Variants in PTPRM observed in about 807,000 individuals in gnomAD.
PTPRM encodes protein tyrosine phosphatase receptor type M.
Under a neutral mutation model 186.7 loss-of-function variants are expected in PTPRM, and 47 were observed. The observed-to-expected ratio is 0.25, with a 90% CI of 0.20 to 0.32. The LOEUF is 0.32. Among genes scored for constraint, PTPRM ranks in the 10% least tolerant of loss-of-function variants. The pLI is 1.00. For missense variants in PTPRM, 1,494 were observed against 1,865.0 expected, an observed-to-expected ratio of 0.80 and a Z score of 3.66; for synonymous variants, 668 against 674.9, an observed-to-expected ratio of 0.99 and a Z score of 0.16.
chr18:8,186,574 C>T (rs964307077), intron 14 of PTPRM, among the ~76,000 whole-genome samples: 4 of 152,164 alleles, frequency 2.6e-5, no homozygotes, highest in African/African-American at 9.7e-5. Context: ...GCAACAGTTG[C>T]CCTGCACTCT....
At chr18:7,696,368 G>A (rs906621292) in intron 1 of PTPRM, among the ~76,000 whole-genome samples, 15 of 152,154 alleles carry the variant, frequency 9.9e-5, no homozygotes, top group South Asian at 2.1e-4. Flanking sequence ...TTGAATTTTC[G>A]TAGAAACAGG....
chr18:7,850,994 G>A (rs1180003593), intron 2 of PTPRM, among the ~76,000 whole-genome samples: 13 of 152,102 alleles, frequency 8.5e-5, no homozygotes, highest in African/African-American at 2.9e-4. Flanking sequence ...TTAGAGAATT[G>A]AATGACAAAT....
intron 13 of PTPRM, among the ~76,000 whole-genome samples, chr18:8,140,972 A>G (rs2092753866): frequency 6.6e-6 from 1 of 152,230 alleles, no homozygotes; most frequent in Non-Finnish European, 1.5e-5. Flanking sequence ...ATAAACAACC[A>G]TCAGTTGCAA....
intron 1 of PTPRM, among the ~76,000 whole-genome samples, chr18:7,678,127 A>G (rs2039390851): frequency 6.6e-6 from 1 of 152,044 alleles, no homozygotes; most frequent in South Asian, 2.1e-4. Flanking sequence ...GTATGGAAGG[A>G]CTTAGGACAT....
chr18:8,283,016 G>T (rs2094920175), intron 19 of PTPRM, among the ~76,000 whole-genome samples: 1 of 152,192 alleles, frequency 6.6e-6, no homozygotes, highest in Non-Finnish European at 1.5e-5. Flanking sequence ...TTCTTGAAAT[G>T]TTACCGAAAT....
At chr18:8,189,172 C>A (rs182805509) in intron 14 of PTPRM, among the ~76,000 whole-genome samples, 28 of 151,722 alleles carry the variant, frequency 1.8e-4, no homozygotes, top group African/African-American at 6.5e-4. Context: ...TGGTGTGCAC[C>A]TGTGGTCCCA....
At chr18:7,572,351 G>C (rs2036585088) in intron 1 of PTPRM, among the ~76,000 whole-genome samples, 1 of 152,096 alleles carries the variant, frequency 6.6e-6, no homozygotes, top group South Asian at 2.1e-4. Context: ...TATAAATGAA[G>C]CATAGCCTAG....
At chr18:8,081,043 A>G (rs1277154028) in intron 9 of PTPRM, among the ~76,000 whole-genome samples, 1 of 152,172 alleles carries the variant, frequency 6.6e-6, no homozygotes, top group Non-Finnish European at 1.5e-5. Context: ...TAATTGCTTA[A>G]ACCTCAATTA....
At chr18:8,006,782 T>C (rs1319795678) in intron 7 of PTPRM, among the ~76,000 whole-genome samples, 1 of 152,218 alleles carries the variant, frequency 6.6e-6, no homozygotes, top group Non-Finnish European at 1.5e-5. Flanking sequence ...CGTGTGGGTT[T>C]GCAAAAGATG....
chr18:8,170,943 C>T (rs564857599), intron 14 of PTPRM, among the ~76,000 whole-genome samples: 2 of 152,312 alleles, frequency 1.3e-5, no homozygotes, highest in African/African-American at 4.8e-5. Flanking sequence ...CTTGCAGATG[C>T]CCTGCAGCAA....
At chr18:8,024,918 A>C (rs1216617783) in intron 7 of PTPRM, among the ~76,000 whole-genome samples, 1 of 151,970 alleles carries the variant, frequency 6.6e-6, no homozygotes, top group Non-Finnish European at 1.5e-5. Flanking sequence ...TCCTGGACTC[A>C]ACCCATCCTC....
At chr18:8,047,245 A>G (rs745919389) in intron 7 of PTPRM, among the ~76,000 whole-genome samples, 3 of 152,184 alleles carry the variant, frequency 2.0e-5, no homozygotes, top group Non-Finnish European at 4.4e-5. Context: ...AATGTATTCC[A>G]TAGTTTTTAG....
intron 1 of PTPRM, among the ~76,000 whole-genome samples, chr18:7,587,128 T>G (rs1461806417): frequency 6.6e-6 from 1 of 152,180 alleles, no homozygotes; most frequent in Non-Finnish European, 1.5e-5. Context: ...AACCTTTAAG[T>G]GTTAGATTTT....
At chr18:7,820,993 A>G (rs1262739960) in intron 2 of PTPRM, among the ~76,000 whole-genome samples, 1 of 152,024 alleles carries the variant, frequency 6.6e-6, no homozygotes. Flanking sequence ...GGAGAGTTCC[A>G]CAAGTCAGCC....
At chr18:7,825,904 G>T (rs978914901) in intron 2 of PTPRM, among the ~76,000 whole-genome samples, 6 of 152,308 alleles carry the variant, frequency 3.9e-5, no homozygotes, top group African/African-American at 1.2e-4. Context: ...TTTCCTGTGT[G>T]CCTGGCATTG....
At chr18:8,403,976 A>G (rs1184980595) in intron 32 of PTPRM, 6 of 152,058 alleles carry the variant, frequency 3.9e-5, no homozygotes, top group Admixed American at 3.9e-4. Flanking sequence ...TGAGTTGTTT[A>G]CCCTTTTTGG....
At chr18:8,333,862 AC>A (rs2095424711) in intron 22 of PTPRM, among the ~76,000 whole-genome samples, 1 of 152,072 alleles carries the variant, frequency 6.6e-6, no homozygotes, top group Non-Finnish European at 1.5e-5. Context: ...CCCACCCACC[AC>A]ACACTCCCTC....
At chr18:8,177,783 G>A (rs1477148759) in intron 14 of PTPRM, among the ~76,000 whole-genome samples, 1 of 152,138 alleles carries the variant, frequency 6.6e-6, no homozygotes, top group Non-Finnish European at 1.5e-5. Flanking sequence ...AACTTGAGAG[G>A]GTCAAGTGCA....
At chr18:7,758,046 A>G (rs1457270085) in intron 1 of PTPRM, among the ~76,000 whole-genome samples, 1 of 152,154 alleles carries the variant, frequency 6.6e-6, no homozygotes, top group Non-Finnish European at 1.5e-5. Flanking sequence ...CAGAGCCCCA[A>G]CCTCACTCCC....
Sources: allele counts gnomAD v4.1 joint callset (sites outside exome capture counted in the v4.1 genomes callset), GRCh38; gene constraint gnomAD v4.1.1; transcripts MANE v1.5; gene names NCBI Gene and HGNC (gene_info 2026-07-23, HGNC 2026-07-21).